Variants in CRKL observed in about 807,000 individuals in gnomAD.
The protein encoded by CRKL is CRK like proto-oncogene, adaptor protein, also known as crk-like protein.
A neutral mutation model predicts 23.0 loss-of-function variants in CRKL; 3 were observed. The ratio of observed to expected loss-of-function variants is 0.13; its 90% CI spans 0.06 to 0.34. The LOEUF is 0.34. CRKL is among the 10% of genes least tolerant of loss of function. CRKL has a pLI of 1.00. For synonymous variants in CRKL, 188 were observed against 160.7 expected, an observed-to-expected ratio of 1.17 and a Z score of -1.28; for missense variants, 256 against 394.5, an observed-to-expected ratio of 0.65 and a Z score of 2.97.
chr22:20,947,676 ATTTTTTTTTTTTT>A (rs59126952), intron 2 of CRKL, among the ~76,000 whole-genome samples: 1 of 90,528 alleles, frequency 1.1e-5, no homozygotes, highest in African/African-American at 4.4e-5. Flanking sequence ...TCTTTTTTTC[ATTTTTTTTTTTTT>A]TTTTTTTTGA....
In CRKL at chr22:20,952,054, C is replaced by G. The variant is rs1209601049; in HGVS notation, c.*2209C>G. On this transcript the variant is annotated 3_prime_UTR_variant, in exon 3 of 3. Transcript: ENST00000354336. ...GACTCTGCCTAGAAACAGTGTTTGC[C>G]CTTTGGCCAGTGACGTGGTTCATCC... 8.8e-6 allele frequency: 2 copies of G among 226,404 alleles called. No homozygotes were observed. Among genetic ancestry groups the G allele is most frequent in the Non-Finnish European group, 1.8e-5 (2 of 113,908 alleles). The allele number at this position is 226,404 out of a possible 1,614,324, so 14.0% of individuals were successfully genotyped here.
At chr22:20,946,672 A>C (rs1922066500) in intron 2 of CRKL, among the ~76,000 whole-genome samples, 1 of 151,752 alleles carries the variant, frequency 6.6e-6, no homozygotes, top group Non-Finnish European at 1.5e-5. Flanking sequence ...GATCATTTCT[A>C]TAGTTCATTA....
rs1165414002 is a variant in CRKL at position 20,952,105 on chromosome 22, G to A, written c.*2260G>A. ...CGGCCCATGTTGAGCCATGAGTGGA[G>A]TTTCCAACAGAGGGAGGAATGTGTG... is the stretch of plus-strand genomic sequence containing the variant. On this transcript the variant is annotated 3_prime_UTR_variant, in exon 3 of 3. Transcript: ENST00000354336. 1 of 228,502 alleles carries A rather than the reference G, an allele frequency of 4.4e-6. No individual in the cohort carries two copies. Among genetic ancestry groups the A allele is most frequent in the African/African-American group, 2.2e-5 (1 of 44,990 alleles). 14.2% of individuals were successfully genotyped at this position (228,502 alleles called of 1,614,324 possible).
intron 1 of CRKL, among the ~76,000 whole-genome samples, chr22:20,925,502 G>C (rs940619949): frequency 6.6e-6 from 1 of 152,214 alleles, no homozygotes; most frequent in Non-Finnish European, 1.5e-5. Flanking sequence ...TCAACAGAGC[G>C]AGACTTCGTC....
At chr22:20,938,229 A>G (rs756454460) in intron 2 of CRKL, among the ~76,000 whole-genome samples, 154 of 152,310 alleles carry the variant, frequency 1.0e-3, no homozygotes, top group Non-Finnish European at 1.8e-3. Flanking sequence ...AGGTGACTTT[A>G]TTCCTTAAAT....
rs540593757 is a variant in CRKL at position 20,924,504 on chromosome 22, C to T, written c.311+6259C>T. On this transcript the variant is annotated intron_variant, in intron 1 of 2. Transcript: ENST00000354336. ...ATAGAATTCAACTCTGTGAATAAAC[C>T]CCTTTGCGTTTCTCCTGACCAGTAG... is the stretch of plus-strand genomic sequence containing the variant. Among the ~76,000 whole-genome samples, 5 of 152,202 alleles carry T rather than the reference C, an allele frequency of 3.3e-5. No individual in the cohort carries two copies. In the East Asian group the frequency reaches 9.7e-4, roughly 29 times the overall value.
rs1014187468 is a variant in CRKL, at chr22:20,951,439, A to C, written c.*1594A>C. 3 of 230,204 alleles carry C rather than the reference A, an allele frequency of 1.3e-5. No homozygotes were observed. The highest frequency in any genetic ancestry group is 2.6e-5 in the Non-Finnish European group (3 of 116,278). 14.3% of individuals were successfully genotyped at this position (230,204 alleles called of 1,614,324 possible). A position where few individuals can be genotyped will look rare whatever the true frequency, so the allele number is the denominator to read the frequency against. On this transcript the variant is annotated 3_prime_UTR_variant, in exon 3 of 3. Transcript: ENST00000354336. ...CCTGTTAGCTAAAAGAGGCCTGTTC[A>C]TACAAGCCAACTGGTATATACGTGT...
intron 1 of CRKL, among the ~76,000 whole-genome samples, chr22:20,927,111 C>CAACAAAAAA (rs1921233362): frequency 2.1e-5 from 1 of 48,530 alleles, no homozygotes; most frequent in Non-Finnish European, 3.1e-5. Context: ...GACTCCGTCT[C>CAACAAAAAA]AAAAAAAAAA....
chr22:20,938,583 G>T (rs1921747705), intron 2 of CRKL, among the ~76,000 whole-genome samples: 2 of 152,212 alleles, frequency 1.3e-5, no homozygotes, highest in Admixed American at 6.5e-5. Flanking sequence ...TTTGAGTCAT[G>T]AAACAGCCAG....
chr22:20,934,884 G>C (rs1028056795), intron 2 of CRKL, among the ~76,000 whole-genome samples: 1 of 129,218 alleles, frequency 7.7e-6, no homozygotes, highest in Non-Finnish European at 1.5e-5. Flanking sequence ...CTCAATCTCC[G>C]CTCACTGCAA....
chr22:20,926,090 A>G (rs1412029071), intron 1 of CRKL, among the ~76,000 whole-genome samples: 1 of 152,200 alleles, frequency 6.6e-6, no homozygotes, highest in Non-Finnish European at 1.5e-5. Flanking sequence ...GATGAGAACA[A>G]GTATACGAGG....
intron 2 of CRKL, among the ~76,000 whole-genome samples, chr22:20,942,107 C>A (rs1294965996): frequency 1.3e-5 from 2 of 152,166 alleles, no homozygotes; most frequent in African/African-American, 4.8e-5. Flanking sequence ...ATATAGTTTG[C>A]CAACTATCTA....
intron 2 of CRKL, 134 bp from the exon 3 acceptor site, chr22:20,949,577 G>A: frequency 2.5e-6 from 3 of 1,224,030 alleles, no homozygotes; most frequent in Admixed American, 2.4e-5. Flanking sequence ...ACTCCAGCAT[G>A]GCTAACAGAG....
chr22:20,929,745 G>A (rs1397020809), intron 1 of CRKL, among the ~76,000 whole-genome samples: 6 of 152,228 alleles, frequency 3.9e-5, no homozygotes, highest in Non-Finnish European at 8.8e-5. Context: ...GCAGGCATGA[G>A]CCACTGCGCC....
intron 1 of CRKL, among the ~76,000 whole-genome samples, chr22:20,927,695 T>A (rs1367901301): frequency 6.9e-6 from 1 of 144,022 alleles, no homozygotes; most frequent in Non-Finnish European, 1.5e-5. Flanking sequence ...AGACAAAAAT[T>A]AGCCGGGCGT....
At chr22:20,947,167 C>G (rs1164780167) in intron 2 of CRKL, among the ~76,000 whole-genome samples, 2 of 152,024 alleles carry the variant, frequency 1.3e-5, no homozygotes, top group Non-Finnish European at 2.9e-5. Context: ...CTCCTTGAAT[C>G]CTGTGCTCTG....
chr22:20,934,972 C>T (rs565683480), intron 2 of CRKL, among the ~76,000 whole-genome samples: 1 of 152,120 alleles, frequency 6.6e-6, no homozygotes, highest in South Asian at 2.1e-4. Flanking sequence ...CGCCACCACG[C>T]CTGGCTAATT....
At chr22:20,945,705 A>G (rs922893722) in intron 2 of CRKL, among the ~76,000 whole-genome samples, 13 of 152,148 alleles carry the variant, frequency 8.5e-5, no homozygotes, top group African/African-American at 2.2e-4. Flanking sequence ...TAAAGCCTCT[A>G]TCTCTCTGGC....
chr22:20,946,915 C>A (rs1922080236), intron 2 of CRKL, among the ~76,000 whole-genome samples: 2 of 152,182 alleles, frequency 1.3e-5, no homozygotes, highest in African/African-American at 4.8e-5. Context: ...ATGGAAGAAG[C>A]TGGTCCATAG....
Sources: allele counts gnomAD v4.1 joint callset (sites outside exome capture counted in the v4.1 genomes callset), GRCh38; gene constraint gnomAD v4.1.1; transcripts MANE v1.5; gene names NCBI Gene and HGNC (gene_info 2026-07-23, HGNC 2026-07-21).